Variants in BBS12 observed in about 807,000 individuals in gnomAD.
The protein encoded by BBS12 is chaperonin-containing T-complex member BBS12.
BBS12 carries 5 observed loss-of-function variants against 5.6 expected under a neutral mutation model. That is an observed-to-expected ratio of 0.89 (90% confidence interval 0.46 to 1.86). The LOEUF is 1.86. Among genes scored for constraint, BBS12 ranks in the 40% most tolerant of loss-of-function variants. The pLI is 0.01. For synonymous variants in BBS12, 308 were observed against 306.8 expected (o/e 1.00, Z -0.04); for missense variants, 748 against 830.4 (o/e 0.90, Z 1.22).
At position 122,742,965 on chromosome 4, in the gene BBS12, T is replaced by C. The variant is rs1426068080; in HGVS notation, c.1073T>C (p.Leu358Pro). 2.5e-6 allele frequency: 4 copies of C among 1,614,138 alleles called. No homozygotes were observed. In the Admixed American group the frequency reaches 6.7e-5, roughly 27 times the overall value. Reference protein sequence around the residue: ...ELQNQPVRIVLIEGDLTENYR... With the variant: ...ELQNQPVRIVPIEGDLTENYR... ...CAGAATCAGCCTGTGCGAATAGTTC[T>C]CATTGAGGGTGACCTCACAGAGAAT... is the stretch of plus-strand genomic sequence containing the variant. The change falls in exon 2 of 2, where the codon CTC becomes CCC. Residue 358 changes from leucine to proline, a missense_variant. Physicochemically the swap from Leu to Pro is moderately conservative, Grantham distance 98. Transcript: ENST00000314218.
the BBS12 span, among the ~76,000 whole-genome samples, chr4:122,701,593 A>G: frequency 1.3e-5 from 2 of 152,224 alleles, no homozygotes; most frequent in African/African-American, 4.8e-5. Flanking sequence ...ATAGTGATGA[A>G]TACCTCTAAT....
In BBS12 at chr4:122,744,220, G is replaced by A. The variant is rs572224528; in HGVS notation, c.*195G>A. 29 of 611,742 alleles carry A rather than the reference G, an allele frequency of 4.7e-5. No homozygotes were observed. The South Asian group carries it at 5.0e-4, about 11-fold the overall frequency. 37.9% of individuals were successfully genotyped at this position (611,742 alleles called of 1,614,324 possible). A position where few individuals can be genotyped will look rare whatever the true frequency, so the allele number is the denominator to read the frequency against. ...TAACAAGTTAGCCTGTTACTGTTTCGTGGGATGCTACAGAATGCATAAGAC... is the reference window on the plus strand; with the variant it reads ...TAACAAGTTAGCCTGTTACTGTTTCATGGGATGCTACAGAATGCATAAGAC... On this transcript the variant is annotated 3_prime_UTR_variant, in exon 2 of 2. Coordinates refer to ENST00000314218, the MANE Select transcript of BBS12 (RefSeq NM_152618.3).
chr4:122,718,192 T>C, the BBS12 span, among the ~76,000 whole-genome samples: 23,958 of 152,044 alleles, frequency 0.16, 3,033 homozygotes, highest in East Asian at 0.65. Flanking sequence ...TAAATAAAAA[T>C]AAGACACCAG....
chr4:122,723,449 A>T, the BBS12 span, among the ~76,000 whole-genome samples: 2 of 152,186 alleles, frequency 1.3e-5, no homozygotes, highest in Admixed American at 1.3e-4. Flanking sequence ...CCATTTCCTT[A>T]TATCCCCAGT....
the BBS12 span, among the ~76,000 whole-genome samples, chr4:122,716,950 A>C: frequency 6.6e-6 from 1 of 152,156 alleles, no homozygotes; most frequent in Non-Finnish European, 1.5e-5. Flanking sequence ...CCCTTCACTA[A>C]TTTATGTCAA....
the BBS12 span, among the ~76,000 whole-genome samples, chr4:122,718,920 C>T: frequency 2.6e-5 from 4 of 151,632 alleles, no homozygotes; most frequent in East Asian, 1.9e-4. Flanking sequence ...CCCGGGTTCA[C>T]GCCATTCTCC....
chr4:122,717,614 C>G, the BBS12 span, among the ~76,000 whole-genome samples: 1 of 152,162 alleles, frequency 6.6e-6, no homozygotes, highest in Non-Finnish European at 1.5e-5. Context: ...ACTGTAACCT[C>G]GACCACCTGG....
chr4:122,715,080 C>A, the BBS12 span, among the ~76,000 whole-genome samples: 1 of 151,588 alleles, frequency 6.6e-6, no homozygotes, highest in African/African-American at 2.4e-5. Context: ...GGAATAATGG[C>A]TAAATACACA....
rs753652094 is a variant in BBS12, at chr4:122,744,047, A to G, written c.*22A>G. On this transcript the variant is annotated 3_prime_UTR_variant, in exon 2 of 2. Transcript: ENST00000314218. ...GTAGTGTTACTGGCTAAGTCTTTGG[A>G]AAATAATTTTTCATAATATGTCATG... is the stretch of plus-strand genomic sequence containing the variant. 1.3e-6 allele frequency: 2 copies of G among 1,597,806 alleles called. No individual in the cohort carries two copies. Among genetic ancestry groups the G allele is most frequent in the African/African-American group, 2.7e-5 (2 of 74,510 alleles).
chr4:122,737,091 C>T lies in BBS12; in HGVS notation c.-11+4207C>T, dbSNP rs372876104. 3.9e-5 allele frequency among the ~76,000 whole-genome samples: 6 copies of T among 152,222 alleles called. No individual in the cohort carries two copies. In the East Asian group the frequency reaches 5.8e-4, roughly 15 times the overall value. On this transcript the variant is annotated intron_variant, in intron 1 of 1. Transcript: ENST00000314218. Reference sequence around the variant, plus strand: ...AATACAGATTAAATTTGAAATAGCCCATGACTGTTTCCATTCGCTCTAAGT... The same window carrying T: ...AATACAGATTAAATTTGAAATAGCCTATGACTGTTTCCATTCGCTCTAAGT...
chr4:122,710,892 A>G, the BBS12 span, among the ~76,000 whole-genome samples: 2 of 152,148 alleles, frequency 1.3e-5, no homozygotes, highest in African/African-American at 4.8e-5. Flanking sequence ...CGGAAATGAG[A>G]GCTGCAAACA....
intron 1 of BBS12, chr4:122,733,963 A>G (rs1800746317): frequency 6.9e-6 from 1 of 143,886 alleles, no homozygotes; most frequent in Non-Finnish European, 1.5e-5. Context: ...ATCACTTTTC[A>G]TGCTTCATTG....
the BBS12 span, among the ~76,000 whole-genome samples, chr4:122,706,972 T>G: frequency 3.3e-5 from 5 of 152,112 alleles, no homozygotes; most frequent in African/African-American, 1.2e-4. Context: ...AATTCTGAGG[T>G]TGTTCAGTAA....
the BBS12 span, among the ~76,000 whole-genome samples, chr4:122,709,032 C>T: frequency 6.6e-6 from 1 of 151,856 alleles, no homozygotes; most frequent in Admixed American, 6.6e-5. Context: ...ACTGAAGATG[C>T]AAACGATTTG....
chr4:122,735,369 A>T (rs1259590003), intron 1 of BBS12, among the ~76,000 whole-genome samples: 3 of 152,220 alleles, frequency 2.0e-5, no homozygotes, highest in African/African-American at 7.2e-5. Context: ...AGGTTAGATT[A>T]TAAGGCACAT....
At position 122,743,600 on chromosome 4, in the gene BBS12, C is replaced by T; in HGVS notation, c.1708C>T (p.His570Tyr). Reference sequence around the variant, plus strand: ...AAACCATGCCTGCTCAGGGTGGCTGCATAATACTTCCTCTTGGCTGGCTTC... The same window carrying T: ...AAACCATGCCTGCTCAGGGTGGCTGTATAATACTTCCTCTTGGCTGGCTTC... ...KENHACSGWL[H>Y]NTSSWLASSL... Residue 570 changes from histidine to tyrosine, a missense_variant, in exon 2 of 2, where the codon CAT (histidine) becomes TAT (tyrosine). Transcript: ENST00000314218. 1 of 1,614,182 alleles carries T rather than the reference C, an allele frequency of 6.2e-7. No individual in the cohort carries two copies. The highest frequency in any genetic ancestry group is 8.5e-7 in the Non-Finnish European group (1 of 1,180,026).
chr4:122,738,591 G>T (rs944044981), intron 1 of BBS12, among the ~76,000 whole-genome samples: 1 of 152,114 alleles, frequency 6.6e-6, no homozygotes, highest in Non-Finnish European at 1.5e-5. Flanking sequence ...CAGAATGAGA[G>T]AAAATGTTTG....
chr4:122,742,614 A>G lies in BBS12; in HGVS notation c.722A>G (p.Asp241Gly). Residue 241 changes from aspartate to glycine, a missense_variant, in exon 2 of 2, where the codon GAT (aspartate) becomes GGT (glycine). Physicochemically the swap from Asp to Gly is moderately conservative, Grantham distance 94. Coordinates refer to ENST00000314218, the MANE Select transcript of BBS12 (RefSeq NM_152618.3). ...LIHSRHFNRT[D>G]NTEGVSKPDG... ...CACAGTAGGCATTTTAATAGGACAG[A>G]TAATACTGAAGGGGTAAGCAAACCA... 6.2e-7 allele frequency: 1 copy of G among 1,614,264 alleles called. No individual in the cohort carries two copies. Among genetic ancestry groups the G allele is most frequent in the East Asian group, 2.2e-5 (1 of 44,886 alleles).
rs1800943807 is a variant in BBS12 at position 122,743,924 on chromosome 4, G to T, written c.2032G>T (p.Asp678Tyr). 12 of 1,609,816 alleles carry T rather than the reference G, an allele frequency of 7.5e-6. No individual in the cohort carries two copies. Among genetic ancestry groups the T allele is most frequent in the Non-Finnish European group, 1.0e-5 (12 of 1,178,174 alleles). The change falls in exon 2 of 2, where the codon GAT (aspartate) becomes TAT (tyrosine). Residue 678 changes from aspartate to tyrosine, a missense_variant. Physicochemically the swap from Asp to Tyr is radical, Grantham distance 160. Transcript: ENST00000314218. The stretch of plus-strand genomic sequence containing the variant: ...GATTGAGGCGTGGCGCCGAGCATTG[G>T]ATTTAGTATTGTTAGTACTTCAGAC... ...PKIEAWRRALDLVLLVLQTDS... is the reference protein window; with the variant it reads ...PKIEAWRRALYLVLLVLQTDS...
Sources: allele counts gnomAD v4.1 joint callset (sites outside exome capture counted in the v4.1 genomes callset), GRCh38; gene constraint gnomAD v4.1.1; transcripts MANE v1.5; gene names NCBI Gene and HGNC (gene_info 2026-07-23, HGNC 2026-07-21).